The following DNM3 variants were observed in gnomAD, a reference collection of about 807,000 sequenced individuals.
DNM3 encodes the protein dynamin-3.
In DNM3, 47 loss-of-function variants were observed where a neutral mutation model predicts 101.6. The observed-to-expected ratio is 0.46, with a 90% CI of 0.37 to 0.59. The LOEUF is 0.59. DNM3 is among the 20% of genes least tolerant of loss of function. The pLI is 0.00. For synonymous variants in DNM3, 385 were observed against 387.9 expected, an observed-to-expected ratio of 0.99 and a Z score of 0.09; for missense variants, 849 against 1,085.7, an observed-to-expected ratio of 0.78 and a Z score of 3.06.
chr1:172,115,392 T>C (rs1030662138), intron 13 of DNM3, among the ~76,000 whole-genome samples: 4 of 152,118 alleles, frequency 2.6e-5, no homozygotes, highest in African/African-American at 9.7e-5. Flanking sequence ...TTCTCCTCTT[T>C]CTCTTGTGAG....
chr1:171,848,146 C>T (rs2032441939), intron 1 of DNM3, among the ~76,000 whole-genome samples: 1 of 152,146 alleles, frequency 6.6e-6, no homozygotes, highest in African/African-American at 2.4e-5. Context: ...AGTTCATCAT[C>T]TTCTCTTCCT....
intron 2 of DNM3, among the ~76,000 whole-genome samples, chr1:171,981,241 ACT>A (rs1402885804): frequency 6.6e-6 from 1 of 152,132 alleles, no homozygotes; most frequent in Non-Finnish European, 1.5e-5. Context: ...TGACCCCTGT[ACT>A]CTGTTTTCAC....
chr1:172,399,871 A>G (rs2070330184), intron 20 of DNM3: 1 of 151,550 alleles, frequency 6.6e-6, no homozygotes, highest in Non-Finnish European at 1.5e-5. Context: ...TTGGTGCTAC[A>G]CAACTCATCT....
At chr1:171,935,445 G>A (rs553965309) in intron 2 of DNM3, among the ~76,000 whole-genome samples, 10 of 152,314 alleles carry the variant, frequency 6.6e-5, no homozygotes, top group Non-Finnish European at 1.2e-4. Flanking sequence ...GCTAGGTCAA[G>A]GTAATTTGGT....
At chr1:172,319,493 G>C (rs2065582925) in intron 16 of DNM3, among the ~76,000 whole-genome samples, 1 of 152,090 alleles carries the variant, frequency 6.6e-6, no homozygotes, top group South Asian at 2.1e-4. Flanking sequence ...CTGACAAAGG[G>C]CTAATATCCA....
intron 14 of DNM3, among the ~76,000 whole-genome samples, chr1:172,250,894 G>T (rs2062142263): frequency 1.3e-5 from 2 of 152,098 alleles, no homozygotes; most frequent in Admixed American, 6.6e-5. Flanking sequence ...ATTTAAAATT[G>T]TCTGACAGCC....
intron 17 of DNM3, among the ~76,000 whole-genome samples, chr1:172,363,841 CA>C (rs1483760638): frequency 6.6e-6 from 1 of 151,858 alleles, no homozygotes; most frequent in Admixed American, 6.6e-5. Context: ...CCTAACACAT[CA>C]AACTAATTTC....
Position 172,407,816 on chromosome 1 carries a change from C to T in DNM3, c.2567C>T (p.Pro856Leu). 6.2e-7 allele frequency: 1 copy of T among 1,613,280 alleles called. No individual in the cohort carries two copies. The highest frequency in any genetic ancestry group is 2.2e-5 in the East Asian group (1 of 44,872). ...PSPTRPTIIR[P>L]LESSLLD The stretch of plus-strand genomic sequence containing the variant: ...CCAACTCGTCCCACTATAATCCGCC[C>T]ACTAGAATCCTCCCTGTTAGACTAA... Residue 856 changes from proline (P) to leucine (L), a missense_variant, in exon 21 of 21, where the codon CCA (proline) becomes CTA (leucine). Around this residue, in one of 5 missense-constraint regions of DNM3, gnomAD observed 256 missense variants for 311.7 expected, o/e 0.82. Transcript: ENST00000627582.
intron 13 of DNM3, among the ~76,000 whole-genome samples, chr1:172,128,327 A>T (rs1189723742): frequency 6.6e-6 from 1 of 152,172 alleles, no homozygotes; most frequent in South Asian, 2.1e-4. Flanking sequence ...CCTTTGCTGA[A>T]TTTGTCAACT....
intron 14 of DNM3, among the ~76,000 whole-genome samples, chr1:172,186,815 G>A (rs1572873531): frequency 6.6e-6 from 1 of 152,126 alleles, no homozygotes. Context: ...AGTTATAGAT[G>A]TTTTCCTTAG....
intron 2 of DNM3, among the ~76,000 whole-genome samples, chr1:171,936,524 A>T (rs1430554043): frequency 2.0e-5 from 3 of 152,194 alleles, no homozygotes; most frequent in East Asian, 1.9e-4. Context: ...TAGTATAAGA[A>T]AGGAAGATAC....
intron 17 of DNM3, among the ~76,000 whole-genome samples, chr1:172,361,972 C>T (rs180742836): frequency 1.1e-3 from 162 of 152,084 alleles, no homozygotes; most frequent in African/African-American, 3.7e-3. Flanking sequence ...CAATCACCTG[C>T]TCCAAAAATG....
chr1:172,094,319 G>C (rs1014898208), intron 13 of DNM3, among the ~76,000 whole-genome samples: 1 of 152,064 alleles, frequency 6.6e-6, no homozygotes, highest in African/African-American at 2.4e-5. Flanking sequence ...TTTTATGGAA[G>C]TGTAAAAACA....
At chr1:172,316,858 G>T (rs2065390790) in intron 16 of DNM3, among the ~76,000 whole-genome samples, 1 of 152,074 alleles carries the variant, frequency 6.6e-6, no homozygotes, top group South Asian at 2.1e-4. Context: ...AGGATACCCA[G>T]GAATTGAACT....
At chr1:172,092,620 T>C (rs2053986704) in intron 12 of DNM3, among the ~76,000 whole-genome samples, 1 of 152,186 alleles carries the variant, frequency 6.6e-6, no homozygotes, top group Non-Finnish European at 1.5e-5. Flanking sequence ...ATATTTTTGG[T>C]TTATATGCTA....
chr1:171,967,100 G>T (rs1252121387), intron 2 of DNM3, among the ~76,000 whole-genome samples: 1 of 152,132 alleles, frequency 6.6e-6, no homozygotes, highest in Non-Finnish European at 1.5e-5. Context: ...TAACCTTAGG[G>T]TTTGTCTTAG....
intron 7 of DNM3, among the ~76,000 whole-genome samples, chr1:172,040,699 G>A (rs2049313617): frequency 6.6e-6 from 1 of 152,126 alleles, no homozygotes; most frequent in African/African-American, 2.4e-5. Context: ...AGATGCAGAG[G>A]AGGGGCGATG....
intron 2 of DNM3, among the ~76,000 whole-genome samples, chr1:171,939,592 T>C (rs1306898723): frequency 6.6e-6 from 1 of 152,180 alleles, no homozygotes; most frequent in Non-Finnish European, 1.5e-5. Context: ...GGACTTTTCT[T>C]TTTTCTATTC....
intron 14 of DNM3, among the ~76,000 whole-genome samples, chr1:172,161,645 G>T (rs2058550297): frequency 6.6e-6 from 1 of 152,026 alleles, no homozygotes; most frequent in Non-Finnish European, 1.5e-5. Context: ...AATGTAATTG[G>T]TGGGGGCCTG....
Sources: allele counts gnomAD v4.1 joint callset (sites outside exome capture counted in the v4.1 genomes callset), GRCh38; gene constraint gnomAD v4.1.1; regional missense constraint gnomAD v4.1.1; transcripts MANE v1.5; gene names NCBI Gene and HGNC (gene_info 2026-07-23, HGNC 2026-07-21).